SH2B3: variants seen among roughly 807,000 people sequenced by gnomAD.
SH2B3 encodes SH2B adapter protein 3.
A neutral mutation model predicts 51.9 loss-of-function variants in SH2B3; 43 were observed. The ratio of observed to expected loss-of-function variants is 0.83; its 90% confidence interval spans 0.65 to 1.07. The LOEUF is 1.07. Among genes scored for constraint, SH2B3 ranks in the 50% least tolerant of loss-of-function variants. The pLI is 0.00. For synonymous variants in SH2B3, 396 were observed against 376.0 expected (o/e 1.05, Z -0.62); for missense variants, 952 against 834.3 (o/e 1.14, Z -1.74).
At position 111,418,971 on chromosome 12, in the gene SH2B3, C is replaced by T. The variant is rs914064536; in HGVS notation, c.732+94C>T. The stretch of plus-strand genomic sequence containing the variant: ...GGGCTGGGGAGGTGTGATGGCTTTC[C>T]AGCTGGTGGCCACAGAGTGTCCAGA... On this transcript the variant is annotated intron_variant, in intron 2 of 7. Transcript: ENST00000341259. This position sits in a 1 kb window ranked among gnomAD's most constrained non-coding sequence, Gnocchi z 6.7. 2.5e-6 allele frequency: 3 copies of T among 1,202,018 alleles called. No homozygotes were observed. In the African/African-American group the frequency reaches 4.9e-5, roughly 19 times the overall value. 74.5% of individuals were successfully genotyped at this position (1,202,018 alleles called of 1,614,324 possible).
Position 111,418,841 on chromosome 12 carries a change from C to A in SH2B3, c.696C>A (p.Gly232=). Residue 232 remains glycine, a synonymous_variant, in exon 2 of 8, where the codon GGC becomes GGA. Transcript: ENST00000341259. The surrounding 1 kb of genome is among the most constrained non-coding windows in gnomAD (Gnocchi z 6.7). ...TGCGCCGGGCCCCGGGCCCCGATGGCCCCGACCGCGTGCTGGAGCTCTTCG... is the reference window on the plus strand; with the variant it reads ...TGCGCCGGGCCCCGGGCCCCGATGGACCCGACCGCGTGCTGGAGCTCTTCG... ...LALRRAPGPD[G]PDRVLELFDP... is the part of the protein sequence containing the mutation. The A allele has an allele frequency of 7.0e-7, 1 of 1,418,452 alleles. No individual in the cohort carries two copies. The highest frequency in any genetic ancestry group is 3.4e-5 in the Admixed American group (1 of 29,234). The allele number at this position is 1,418,452 out of a possible 1,614,324, so 87.9% of individuals were successfully genotyped here.
At chr12:111,417,461 T>TTTATTTA (rs1333489397) in intron 1 of SH2B3, among the ~76,000 whole-genome samples, 2 of 83,898 alleles carry the variant, frequency 2.4e-5, no homozygotes, top group African/African-American at 2.1e-4. Context: ...GGGCCTTTAT[T>TTTATTTA]TTATTTATTT....
In SH2B3 at chr12:111,418,916, C is replaced by T. The variant is rs1337655558; in HGVS notation, c.732+39C>T. 6.6e-6 allele frequency: 9 copies of T among 1,366,890 alleles called. No homozygotes were observed. The highest frequency in any genetic ancestry group is 1.7e-5 in the South Asian group (1 of 59,690). The allele number at this position is 1,366,890 out of a possible 1,614,324, so 84.7% of individuals were successfully genotyped here. On this transcript the variant is annotated intron_variant, in intron 2 of 7. Transcript: ENST00000341259. The surrounding 1 kb of genome is among the most constrained non-coding windows in gnomAD (Gnocchi z 6.7). ...GCCCGCGGGGTTGCGCACTGCACTG[C>T]GCCCTTCGCCTTCACCCTGGGGAGA... is the stretch of plus-strand genomic sequence containing the variant.
chr12:111,418,050 G>T lies in SH2B3; in HGVS notation c.-27-69G>T. The T allele has an allele frequency of 8.3e-7, 1 of 1,207,040 alleles. No individual in the cohort carries two copies. The highest frequency in any genetic ancestry group is 1.1e-6 in the Non-Finnish European group (1 of 890,606). The allele number at this position is 1,207,040 out of a possible 1,614,324, so 74.8% of individuals were successfully genotyped here. ...GGATTTCTGCTGTGGTGCCCGGTGT[G>T]TAATGGGGCCTACACCTGCTTGCCC... On this transcript the variant is annotated intron_variant, in intron 1 of 7. Transcript: ENST00000341259. This position sits in a 1 kb window ranked among gnomAD's most constrained non-coding sequence, Gnocchi z 6.7.
intron 2 of SH2B3, among the ~76,000 whole-genome samples, chr12:111,431,886 C>T (rs909268564): frequency 1.3e-5 from 2 of 151,920 alleles, no homozygotes; most frequent in Non-Finnish European, 2.9e-5. Context: ...GATTTACAGG[C>T]GTGAGCCACC....
chr12:111,445,067 AGC>A (rs1349665074), intron 2 of SH2B3, among the ~76,000 whole-genome samples: 1 of 152,200 alleles, frequency 6.6e-6, no homozygotes, highest in Non-Finnish European at 1.5e-5. Flanking sequence ...GCAGTTCTTC[AGC>A]TGCTGGGGGT....
intron 4 of SH2B3, 44 bp downstream of exon 4, chr12:111,447,077 C>T: frequency 6.2e-7 from 1 of 1,607,590 alleles, no homozygotes; most frequent in Non-Finnish European, 8.5e-7. Context: ...TTTGCTGCTA[C>T]CACCCCTGAC....
rs1475139254 is a variant in SH2B3 at position 111,447,165 on chromosome 12, C to T, written c.967C>T (p.Leu323=). 1.2e-6 allele frequency: 2 copies of T among 1,614,116 alleles called. No homozygotes were observed. The highest frequency in any genetic ancestry group is 1.7e-6 in the Non-Finnish European group (2 of 1,179,958). Residue 323 remains leucine (L), a synonymous_variant, in exon 5 of 8, where the codon CTA becomes TTA. Coordinates refer to ENST00000341259, the MANE Select transcript of SH2B3 (RefSeq NM_005475.3). The part of the protein sequence containing the change: ...TEAEMHIPSA[L]EPSTSSSPRG... Reference sequence around the variant, plus strand: ...AGCAGAGATGCATATTCCCTCAGCCCTAGAGCCTAGCACGTCCAGCTCCCC... The same window carrying T: ...AGCAGAGATGCATATTCCCTCAGCCTTAGAGCCTAGCACGTCCAGCTCCCC...
chr12:111,437,456 G>T (rs1475236297), intron 2 of SH2B3, among the ~76,000 whole-genome samples: 1 of 152,154 alleles, frequency 6.6e-6, no homozygotes, highest in Non-Finnish European at 1.5e-5. Context: ...GGTGGTGGGG[G>T]TCTAGGAGCC....
At chr12:111,443,598 G>A (rs995047683) in intron 2 of SH2B3, 1 of 152,234 alleles carries the variant, frequency 6.6e-6, no homozygotes, top group Non-Finnish European at 1.5e-5. Context: ...TTTATTGCAG[G>A]ATGGTAAGGG....
rs1874501985 is a variant in SH2B3 at position 111,450,679 on chromosome 12, A to G, written c.*2377A>G. 6.5e-6 allele frequency: 1 copy of G among 152,832 alleles called. No individual in the cohort carries two copies. The highest frequency in any genetic ancestry group is 6.5e-5 in the Admixed American group (1 of 15,274). The allele number at this position is 152,832 out of a possible 1,614,324, so 9.5% of individuals were successfully genotyped here. A position where few individuals can be genotyped will look rare whatever the true frequency, so the allele number is the denominator to read the frequency against. On this transcript the variant is annotated 3_prime_UTR_variant, in exon 8 of 8. Coordinates refer to ENST00000341259, the MANE Select transcript of SH2B3 (RefSeq NM_005475.3). ...TGCAAGTTCAGATTCTGTGGCAGAG[A>G]TTTGGAAGGCACCCACCTCCAGACT...
intron 2 of SH2B3, among the ~76,000 whole-genome samples, chr12:111,426,559 G>GGGTGAGAGAGACAGGAAGGCAGAAGGA (rs1872018477): frequency 6.6e-6 from 1 of 152,072 alleles, no homozygotes; most frequent in South Asian, 2.1e-4. Context: ...GGGAGAAGGA[G>GGGTGAGAGAGACAGGAAGGCAGAAGGA]GGTGAGAGAG....
chr12:111,444,918 A>AGGCCTGGGCGGCTCTC (rs2135605337), intron 2 of SH2B3: 1 of 981,552 alleles, frequency 1.0e-6, no homozygotes, highest in Admixed American at 6.1e-5. Flanking sequence ...TTGTGGCTCT[A>AGGCCTGGGCGGCTCTC]GGCCTGGGCG....
chr12:111,426,461 A>G (rs1872009345), intron 2 of SH2B3, among the ~76,000 whole-genome samples: 1 of 150,698 alleles, frequency 6.6e-6, no homozygotes, highest in Admixed American at 6.6e-5. Flanking sequence ...CCTGGCCCTA[A>G]GTGATCCTGC....
chr12:111,417,747 G>A (rs902026828), intron 1 of SH2B3, among the ~76,000 whole-genome samples: 10 of 152,000 alleles, frequency 6.6e-5, no homozygotes, highest in African/African-American at 2.2e-4. Flanking sequence ...CTGAGCCTCC[G>A]ACCTCAGCCT....
intron 2 of SH2B3, among the ~76,000 whole-genome samples, chr12:111,433,591 T>G (rs1364137818): frequency 6.6e-6 from 1 of 152,164 alleles, no homozygotes; most frequent in Non-Finnish European, 1.5e-5. Flanking sequence ...GGTCTTGTTC[T>G]GTCACCCAGC....
Position 111,407,486 on chromosome 12 carries a change from C to T in SH2B3, c.-28+1209C>T, listed in dbSNP as rs559548039. On this transcript the variant is annotated intron_variant, in intron 1 of 7. Coordinates refer to ENST00000341259, the MANE Select transcript of SH2B3 (RefSeq NM_005475.3). The surrounding 1 kb of genome is among the most constrained non-coding windows in gnomAD (Gnocchi z 4.3). ...GCAGGCGCAGGTTGTGTCTGGGTTT[C>T]CCATCACTGACCTGGCTGCCTGAGT... Among the ~76,000 whole-genome samples the T allele has an allele frequency of 6.6e-6, 1 of 152,354 alleles. No individual in the cohort carries two copies. Among genetic ancestry groups the T allele is most frequent in the Non-Finnish European group, 1.5e-5 (1 of 68,032 alleles).
At chr12:111,437,679 C>T (rs1028697489) in intron 2 of SH2B3, among the ~76,000 whole-genome samples, 8 of 152,162 alleles carry the variant, frequency 5.3e-5, no homozygotes, top group South Asian at 2.1e-4. Flanking sequence ...AGCAGAGAAG[C>T]GCCCTGTGGC....
At chr12:111,424,015 G>A (rs1871780377) in intron 2 of SH2B3, among the ~76,000 whole-genome samples, 1 of 152,320 alleles carries the variant, frequency 6.6e-6, no homozygotes, top group Non-Finnish European at 1.5e-5. Context: ...CGGAGGCTGA[G>A]GCAGGAGAAT....
Sources: gnomAD v4.1 joint callset for allele counts (sites outside exome capture counted in the v4.1 genomes callset) on GRCh38, gnomAD v4.1.1 for gene constraint, Gnocchi (gnomAD v3.1) non-coding constraint, MANE v1.5 for transcripts, NCBI Gene and HGNC (gene_info 2026-07-23, HGNC 2026-07-21) for gene names.